The following CHST3 variants were observed in gnomAD, a reference collection of about 807,000 sequenced individuals.
CHST3 encodes C6ST-1.
A neutral mutation model predicts 35.4 loss-of-function variants in CHST3; 20 were observed. The ratio of observed to expected loss-of-function variants is 0.57; its 90% CI spans 0.40 to 0.82. The LOEUF is 0.82. Among genes scored for constraint, CHST3 ranks in the 40% least tolerant of loss-of-function variants. The pLI, the probability that CHST3 is intolerant of heterozygous loss-of-function variation, is 0.00. For synonymous variants in CHST3, 334 were observed against 295.9 expected, an observed-to-expected ratio of 1.13 and a Z score of -1.32; for missense variants, 693 against 670.1, an observed-to-expected ratio of 1.03 and a Z score of -0.38.
rs148431635 is a variant in CHST3, at chr10:72,011,763, C to T, written c.*3292C>T. On this transcript the variant is annotated 3_prime_UTR_variant, in exon 3 of 3. Coordinates refer to ENST00000373115, the MANE Select transcript of CHST3 (RefSeq NM_004273.5). Reference sequence around the variant, plus strand: ...CAGAACGTTCCAGGCCTTGGTGAGACACAGCAGCGTCCAATGCTCACAGGC... The same window carrying T: ...CAGAACGTTCCAGGCCTTGGTGAGATACAGCAGCGTCCAATGCTCACAGGC... The T allele has an allele frequency of 1.3e-5, 2 of 152,382 alleles. No individual in the cohort carries two copies. Among genetic ancestry groups the T allele is most frequent in the Non-Finnish European group, 2.9e-5 (2 of 68,068 alleles). 9.4% of individuals were successfully genotyped at this position (152,382 alleles called of 1,614,324 possible).
intron 1 of CHST3, among the ~76,000 whole-genome samples, chr10:71,965,473 C>T (rs1195470322): frequency 2.0e-5 from 3 of 152,002 alleles, no homozygotes; most frequent in Non-Finnish European, 4.4e-5. Flanking sequence ...CCAAGGGAAC[C>T]GGGTGAGCAG....
At chr10:71,989,760 G>C (rs1839880446) in intron 1 of CHST3, among the ~76,000 whole-genome samples, 1 of 152,192 alleles carries the variant, frequency 6.6e-6, no homozygotes, top group Non-Finnish European at 1.5e-5. Flanking sequence ...AACCACTCTT[G>C]TCAATCTCTT....
At chr10:71,970,528 A>G (rs1235716518) in intron 1 of CHST3, among the ~76,000 whole-genome samples, 1 of 152,064 alleles carries the variant, frequency 6.6e-6, no homozygotes, top group Non-Finnish European at 1.5e-5. Flanking sequence ...TAAGAGCCTC[A>G]AAAGTCAGGG....
At chr10:71,974,756 G>A (rs1364244210) in intron 1 of CHST3, among the ~76,000 whole-genome samples, 2 of 152,152 alleles carry the variant, frequency 1.3e-5, no homozygotes, top group Non-Finnish European at 2.9e-5. Flanking sequence ...AGTCCTGCAA[G>A]GGGACCCGCA....
rs367857089 is a variant in CHST3, at chr10:72,007,601, C to T, written c.570C>T (p.Asp190=). ...CGGGCTCGGCCCTGGTGTACCGCGA[C>T]GTGCTCAAGCAGCTCTTCCTGTGCG... is the stretch of plus-strand genomic sequence containing the variant. ...NAAGSALVYR[D]VLKQLFLCDL... The change falls in exon 3 of 3, where the codon GAC becomes GAT. Residue 190 remains aspartate (D), a synonymous_variant. Coordinates refer to ENST00000373115, the MANE Select transcript of CHST3 (RefSeq NM_004273.5). The T allele has an allele frequency of 2.0e-4, 326 of 1,609,786 alleles. No homozygotes were observed. The highest frequency in any genetic ancestry group is 2.6e-4 in the Non-Finnish European group (303 of 1,179,710).
Position 71,971,317 on chromosome 10 carries a change from G to A in CHST3, c.-108+6623G>A, listed in dbSNP as rs567499692. On this transcript the variant is annotated intron_variant, in intron 1 of 2. Coordinates refer to ENST00000373115, the MANE Select transcript of CHST3 (RefSeq NM_004273.5). Reference sequence around the variant, plus strand: ...AGGGTGGTTGTGGGGTGAGTCCTGCGCTCCGCACGTCCACATGTTCGTATT... The same window carrying A: ...AGGGTGGTTGTGGGGTGAGTCCTGCACTCCGCACGTCCACATGTTCGTATT... 7.9e-5 allele frequency among the ~76,000 whole-genome samples: 12 copies of A among 152,290 alleles called. No homozygotes were observed. In the South Asian group the frequency reaches 1.2e-3, roughly 16 times the overall value.
At chr10:71,974,292 A>C (rs903647401) in intron 1 of CHST3, among the ~76,000 whole-genome samples, 6 of 152,176 alleles carry the variant, frequency 3.9e-5, no homozygotes, top group African/African-American at 1.4e-4. Context: ...CAAGCCCCCT[A>C]CAACCCGGCA....
At chr10:71,984,983 A>G (rs938656276) in intron 1 of CHST3, among the ~76,000 whole-genome samples, 5 of 152,180 alleles carry the variant, frequency 3.3e-5, no homozygotes, top group Non-Finnish European at 7.4e-5. Context: ...ACAAATTTCC[A>G]TCTTAGTTCT....
chr10:71,983,591 T>C (rs542993559), intron 1 of CHST3, among the ~76,000 whole-genome samples: 5 of 152,178 alleles, frequency 3.3e-5, no homozygotes, highest in Admixed American at 1.3e-4. Flanking sequence ...GCTGGGATTA[T>C]AAGCACATGC....
chr10:72,005,910 A>G lies in CHST3; in HGVS notation c.68A>G (p.Lys23Arg). The change falls in exon 2 of 3, where the codon AAA becomes AGA. Residue 23 changes from lysine to arginine, a missense_variant. By Grantham distance (26) the Lys-to-Arg change is conservative. Coordinates refer to ENST00000373115, the MANE Select transcript of CHST3 (RefSeq NM_004273.5). ...GTGCACAGCCTGAAGATGAGAAGCA[A>G]ATACGCCCTTTTCTTGGTTTTTGTG... ...DFVHSLKMRS[K>R]YALFLVFVVI... 2 of 1,614,244 alleles carry G rather than the reference A, an allele frequency of 1.2e-6. No homozygotes were observed. The highest frequency in any genetic ancestry group is 1.7e-6 in the Non-Finnish European group (2 of 1,180,046).
intron 1 of CHST3, among the ~76,000 whole-genome samples, chr10:71,967,698 G>T (rs999554425): frequency 1.3e-5 from 2 of 152,220 alleles, no homozygotes; most frequent in Non-Finnish European, 2.9e-5. Context: ...CCAATAATGG[G>T]ATTGCTTGGT....
chr10:72,005,480 C>G (rs954711416), intron 1 of CHST3, among the ~76,000 whole-genome samples: 1 of 152,194 alleles, frequency 6.6e-6, no homozygotes, highest in Non-Finnish European at 1.5e-5. Context: ...TTATTCTTTT[C>G]CGTGCACAGG....
chr10:71,978,953 G>A (rs1346759848), intron 1 of CHST3, among the ~76,000 whole-genome samples: 1 of 152,194 alleles, frequency 6.6e-6, no homozygotes, highest in African/African-American at 2.4e-5. Flanking sequence ...TGCCAAGGGG[G>A]AAGTTCAATA....
chr10:71,987,821 AG>A (rs531194360), intron 1 of CHST3, among the ~76,000 whole-genome samples: 25 of 152,212 alleles, frequency 1.6e-4, no homozygotes, highest in South Asian at 4.2e-4. Flanking sequence ...ATCATTCTCC[AG>A]GATCAGAAAG....
chr10:71,969,885 C>T (rs1031913489), intron 1 of CHST3, among the ~76,000 whole-genome samples: 15 of 152,226 alleles, frequency 9.9e-5, no homozygotes, highest in African/African-American at 3.4e-4. Flanking sequence ...CGAAGGAACA[C>T]TCAGAGAGTC....
At chr10:72,005,544 C>T (rs1397753526) in intron 1 of CHST3, among the ~76,000 whole-genome samples, 192 bp from the exon 2 acceptor site, 3 of 152,192 alleles carry the variant, frequency 2.0e-5, no homozygotes, top group East Asian at 1.9e-4. Context: ...TGGATGAACC[C>T]GATGGTTCAT....
rs77359818 is a variant in CHST3, at chr10:72,008,674, A to G, written c.*203A>G. The G allele has an allele frequency of 1.7e-3, 1,977 of 1,136,974 alleles. 28 individuals are homozygous for G. The African/African-American group carries it at 0.028, about 16-fold the overall frequency. The allele number at this position is 1,136,974 out of a possible 1,614,324, so 70.4% of individuals were successfully genotyped here. A position where few individuals can be genotyped will look rare whatever the true frequency, so the allele number is the denominator to read the frequency against. On this transcript the variant is annotated 3_prime_UTR_variant, in exon 3 of 3. Transcript: ENST00000373115. ...ACAGTGCCCGGTCCCCTTGAGGGCC[A>G]TCACACCCAGACCCAACGGGTTGCA...
chr10:71,976,679 C>A (rs1839748635), intron 1 of CHST3, among the ~76,000 whole-genome samples: 1 of 152,172 alleles, frequency 6.6e-6, no homozygotes. Flanking sequence ...TGAATTCAGA[C>A]TGGAGGGGCC....
Position 72,008,081 on chromosome 10 carries a change from G to T in CHST3, c.1050G>T (p.Leu350=). The stretch of plus-strand genomic sequence containing the variant: ...GGGGCAACTGCGAGAGCATCCGCCT[G>T]TCCGCGGAGCTGGGGCTGCGGCAGC... ...RLRGNCESIR[L]SAELGLRQPA... Residue 350 remains leucine (L), a synonymous_variant, in exon 3 of 3, where the codon CTG becomes CTT. Transcript: ENST00000373115. 2 of 1,545,628 alleles carry T rather than the reference G, an allele frequency of 1.3e-6. No individual in the cohort carries two copies. The highest frequency in any genetic ancestry group is 2.7e-5 in the African/African-American group (2 of 73,040).
Sources: allele counts gnomAD v4.1 joint callset (sites outside exome capture counted in the v4.1 genomes callset), GRCh38; gene constraint gnomAD v4.1.1; transcripts MANE v1.5; gene names NCBI Gene and HGNC (gene_info 2026-07-23, HGNC 2026-07-21).